The following ZMYND11 variants were observed in gnomAD, a reference collection of about 807,000 sequenced individuals.
The protein encoded by ZMYND11 is zinc finger MYND domain-containing protein 11.
ZMYND11 carries 9 observed loss-of-function variants against 84.9 expected under a neutral mutation model. The observed-to-expected ratio is 0.11, with a 90% CI of 0.06 to 0.18. The LOEUF is 0.18. Among genes scored for constraint, ZMYND11 ranks in the 10% least tolerant of loss-of-function variants. The pLI, the probability that ZMYND11 is intolerant of heterozygous loss-of-function variation, is 1.00. For missense variants in ZMYND11, 409 were observed against 761.0 expected, an observed-to-expected ratio of 0.54 and a Z score of 5.44; for synonymous variants, 250 against 244.1, an observed-to-expected ratio of 1.02 and a Z score of -0.23.
chr10:239,965 C>G, intron 7 of ZMYND11, 91 bp from the exon 8 acceptor site: 4 of 1,098,444 alleles, frequency 3.6e-6, no homozygotes. Flanking sequence ...TGGTAGATGT[C>G]TACTTTTGCA....
chr10:251,195 C>T lies in ZMYND11; in HGVS notation c.1687-1153C>T, dbSNP rs375007505. ...TCCCCAGAAAGGGAGAAATTGAAAA[C>T]GAAATAATAGGGTATTTGGGAGAAG... On this transcript the variant is annotated intron_variant, in intron 14 of 14. Transcript: ENST00000381604. 7.0e-4 allele frequency among the ~76,000 whole-genome samples: 106 copies of T among 152,044 alleles called. 1 individual carries two copies. The highest frequency in any genetic ancestry group is 2.3e-3 in the African/African-American group (96 of 41,376).
intron 2 of ZMYND11, among the ~76,000 whole-genome samples, chr10:187,000 G>T (rs1295737043): frequency 6.6e-6 from 1 of 152,086 alleles, no homozygotes. Flanking sequence ...GGCTGAGATT[G>T]GGGGATCGCT....
chr10:167,125 T>C (rs1554764093), intron 1 of ZMYND11, among the ~76,000 whole-genome samples: 1 of 152,114 alleles, frequency 6.6e-6, no homozygotes, highest in Non-Finnish European at 1.5e-5. Flanking sequence ...GTCTGTAGTT[T>C]GGGGTGATAA....
chr10:159,201 A>G (rs185402633), intron 1 of ZMYND11, among the ~76,000 whole-genome samples: 14 of 149,760 alleles, frequency 9.3e-5, no homozygotes, highest in Admixed American at 1.3e-4. Flanking sequence ...TTGATTTACT[A>G]TTACAGATAG....
rs1261797300 is a variant in ZMYND11 at position 249,177 on chromosome 10, C to T, written c.1686+89C>T. 3.2e-6 allele frequency: 5 copies of T among 1,574,016 alleles called. No individual in the cohort carries two copies. The African/African-American group carries it at 6.9e-5, about 22-fold the overall frequency. ...ATTCAGAAGGTAGCTGTGGCACATGCAGAAGATGTTTCTGAAATAAGATCA... is the reference window on the plus strand; with the variant it reads ...ATTCAGAAGGTAGCTGTGGCACATGTAGAAGATGTTTCTGAAATAAGATCA... On this transcript the variant is annotated intron_variant, in intron 14 of 14. Coordinates refer to ENST00000381604, the MANE Select transcript of ZMYND11 (RefSeq NM_001370100.5).
chr10:166,562 A>AT (rs797023083), intron 1 of ZMYND11, among the ~76,000 whole-genome samples: 22 of 152,162 alleles, frequency 1.4e-4, no homozygotes, highest in Admixed American at 5.9e-4. Flanking sequence ...GATGGCTATG[A>AT]TTTTTTTTAA....
At chr10:179,842 G>A (rs1473769573) in intron 1 of ZMYND11, 152 bp from the exon 2 acceptor site, 3 of 470,706 alleles carry the variant, frequency 6.4e-6, no homozygotes, top group Non-Finnish European at 7.5e-6. Flanking sequence ...GAAGTAACTG[G>A]TGATGTGGAT....
At chr10:205,999 A>AC in intron 2 of ZMYND11, among the ~76,000 whole-genome samples, 1 of 147,110 alleles carries the variant, frequency 6.8e-6, no homozygotes. Flanking sequence ...AAATCAATAG[A>AC]CCTGTCCTAA....
At chr10:210,513 A>G (rs569067887) in intron 3 of ZMYND11, among the ~76,000 whole-genome samples, 16 of 152,346 alleles carry the variant, frequency 1.1e-4, no homozygotes, top group Non-Finnish European at 1.8e-4. Flanking sequence ...AAAGGTTCCA[A>G]ACGTTAAGTT....
At chr10:176,784 G>A (rs1846728651) in intron 1 of ZMYND11, among the ~76,000 whole-genome samples, 2 of 152,180 alleles carry the variant, frequency 1.3e-5, no homozygotes, top group African/African-American at 4.8e-5. Context: ...AGAAAGGATA[G>A]GGAAATTTTT....
intron 1 of ZMYND11, among the ~76,000 whole-genome samples, chr10:164,229 C>A (rs922792250): frequency 2.0e-5 from 3 of 152,152 alleles, no homozygotes; most frequent in African/African-American, 7.2e-5. Flanking sequence ...ACTGTCCTTT[C>A]TGCTTCAAAC....
intron 2 of ZMYND11, among the ~76,000 whole-genome samples, chr10:204,159 C>G (rs903599344): frequency 6.6e-6 from 1 of 152,116 alleles, no homozygotes; most frequent in Non-Finnish European, 1.5e-5. Flanking sequence ...TTTATAGATA[C>G]AATCTAAGGT....
At chr10:175,458 C>T (rs1429773458) in intron 1 of ZMYND11, among the ~76,000 whole-genome samples, 3 of 152,058 alleles carry the variant, frequency 2.0e-5, no homozygotes, top group Non-Finnish European at 4.4e-5. Context: ...ATCCTAGCTA[C>T]AACGGGAGGC....
At chr10:205,644 T>G (rs1178259886) in intron 2 of ZMYND11, among the ~76,000 whole-genome samples, 2 of 152,024 alleles carry the variant, frequency 1.3e-5, no homozygotes, top group African/African-American at 4.8e-5. Context: ...GAGCCATGAT[T>G]GTGCTATTGT....
chr10:180,422 C>T (rs1012671410), intron 2 of ZMYND11, among the ~76,000 whole-genome samples: 1 of 152,114 alleles, frequency 6.6e-6, no homozygotes, highest in Non-Finnish European at 1.5e-5. Context: ...TATTTTGAGA[C>T]GGAGTCTCAT....
In ZMYND11 at chr10:242,062, TG is replaced by T; in HGVS notation, c.876del (p.Trp294GlyfsTer44). The T allele has an allele frequency of 6.2e-7, 1 of 1,614,150 alleles. No homozygotes were observed. The highest frequency in any genetic ancestry group is 8.5e-7 in the Non-Finnish European group (1 of 1,179,996). ...TGGTTTGGGCTAAAATGAAAGGTTT[TG>T]GGTTTTGGCCAGCCAAAGTCATGCA... is the stretch of plus-strand genomic sequence containing the variant. ...ELVWAKMKGF[G>X]FWPAKVMQKE... is the part of the protein sequence containing the mutation. On this transcript the variant is annotated frameshift_variant, in exon 10 of 15. Transcript: ENST00000381604. LOFTEE classifies it high-confidence loss of function.
chr10:172,657 G>C (rs1554765989), intron 1 of ZMYND11, among the ~76,000 whole-genome samples: 1 of 152,102 alleles, frequency 6.6e-6, no homozygotes, highest in African/African-American at 2.4e-5. Context: ...ATATTGTCAA[G>C]ATGTCCATTC....
chr10:151,329 C>T (rs1263103129), intron 1 of ZMYND11, among the ~76,000 whole-genome samples: 4 of 152,092 alleles, frequency 2.6e-5, no homozygotes, highest in Non-Finnish European at 4.4e-5. Flanking sequence ...AAAGATTAGA[C>T]GGATGGCTAA....
intron 1 of ZMYND11, among the ~76,000 whole-genome samples, chr10:154,568 GGTC>G (rs2131373119): frequency 6.6e-6 from 1 of 152,224 alleles, no homozygotes; most frequent in Non-Finnish European, 1.5e-5. Context: ...GCATGTCTGA[GGTC>G]ATATGATGTC....
Sources: gnomAD v4.1 joint callset for allele counts (sites outside exome capture counted in the v4.1 genomes callset) on GRCh38, gnomAD v4.1.1 for gene constraint, MANE v1.5 for transcripts, NCBI Gene and HGNC (gene_info 2026-07-23, HGNC 2026-07-21) for gene names.